HPCAL1: variants seen among roughly 807,000 people sequenced by gnomAD.
HPCAL1 encodes the protein hippocalcin-like protein 1.
HPCAL1 carries 8 observed loss-of-function variants against 17.1 expected under a neutral mutation model. The observed-to-expected ratio is 0.47, with a 90% CI of 0.27 to 0.84. HPCAL1 has a LOEUF of 0.84. HPCAL1 is among the 40% of genes least tolerant of loss of function. The pLI, the probability that HPCAL1 is intolerant of heterozygous loss-of-function variation, is 0.13. For missense variants in HPCAL1, 165 were observed against 271.1 expected, an observed-to-expected ratio of 0.61 and a Z score of 2.75; for synonymous variants, 112 against 111.4, an observed-to-expected ratio of 1.01 and a Z score of -0.03.
chr2:10,321,261 G>A (rs1047840412), intron 1 of HPCAL1, among the ~76,000 whole-genome samples: 6 of 152,098 alleles, frequency 3.9e-5, no homozygotes, highest in African/African-American at 9.7e-5. Context: ...TCACTATCTC[G>A]AGGACAGAAC....
chr2:10,359,740 C>T lies in HPCAL1; in HGVS notation c.-110-37095C>T, dbSNP rs1033389297. On this transcript the variant is annotated intron_variant, in intron 1 of 4. Transcript: ENST00000307845. This position sits in a 1 kb window ranked among gnomAD's most constrained non-coding sequence, Gnocchi z 4.1. Reference sequence around the variant, plus strand: ...GCAAGGCCAGGCCAGCACCTCTCCACTCTGAGGAAGGGGCCTTACCCAGAT... The same window carrying T: ...GCAAGGCCAGGCCAGCACCTCTCCATTCTGAGGAAGGGGCCTTACCCAGAT... 6.6e-6 allele frequency among the ~76,000 whole-genome samples: 1 copy of T among 152,248 alleles called. No individual in the cohort carries two copies. The highest frequency in any genetic ancestry group is 1.5e-5 in the Non-Finnish European group (1 of 68,040).
intron 1 of HPCAL1, among the ~76,000 whole-genome samples, chr2:10,382,252 A>G (rs985235653): frequency 6.6e-6 from 1 of 152,192 alleles, no homozygotes; most frequent in Non-Finnish European, 1.5e-5. Context: ...GGAGATAATA[A>G]ACAGATCAGT....
chr2:10,355,856 G>A (rs1666124631), intron 1 of HPCAL1, among the ~76,000 whole-genome samples: 1 of 152,028 alleles, frequency 6.6e-6, no homozygotes, highest in Non-Finnish European at 1.5e-5. Flanking sequence ...GCATGGCTAT[G>A]AGGGTCTCAG....
At chr2:10,333,185 G>GAGAAA (rs1033653572) in intron 1 of HPCAL1, among the ~76,000 whole-genome samples, 10 of 152,190 alleles carry the variant, frequency 6.6e-5, no homozygotes, top group African/African-American at 2.2e-4. Context: ...TCTTTTTAAA[G>GAGAAA]TTTACTAATT....
In HPCAL1 at chr2:10,420,151, GC is replaced by G; in HGVS notation, c.378+20del. 1 of 1,591,342 alleles carries G rather than the reference GC, an allele frequency of 6.3e-7. No individual in the cohort carries two copies. Among genetic ancestry groups the G allele is most frequent in the Non-Finnish European group, 8.6e-7 (1 of 1,166,204 alleles). On this transcript the variant is annotated intron_variant, in intron 3 of 4. Transcript: ENST00000307845. ...GATCGTGCAGGTACCGGCGCCCGAGGCCCCGGGTCTCACCGCGGGCCCAGGT... is the reference window on the plus strand; with the variant it reads ...GATCGTGCAGGTACCGGCGCCCGAGGCCCGGGTCTCACCGCGGGCCCAGGT...
intron 4 of HPCAL1, 111 bp from the exon 5 acceptor site, chr2:10,426,613 C>G (rs1290484960): frequency 1.2e-6 from 1 of 831,866 alleles, no homozygotes; most frequent in Non-Finnish European, 2.1e-6. Context: ...CAAGAAGGCT[C>G]AGGACTTTCA....
In HPCAL1 at chr2:10,419,985, C is replaced by A. The variant is rs143115310; in HGVS notation, c.228C>A (p.Gly76=). 6.2e-7 allele frequency: 1 copy of A among 1,613,878 alleles called. No homozygotes were observed. The highest frequency in any genetic ancestry group is 8.5e-7 in the Non-Finnish European group (1 of 1,180,040). ...EHVFRTFDTN[G]DGTIDFREFI... ...TCTTCCGCACCTTCGACACCAACGG[C>A]GACGGCACCATCGACTTCCGGGAGT... Residue 76 remains glycine, a synonymous_variant, in exon 3 of 5, where the codon GGC becomes GGA. Transcript: ENST00000307845. This position sits in a 1 kb window ranked among gnomAD's most constrained non-coding sequence, Gnocchi z 5.0.
At chr2:10,379,102 C>T (rs903484737) in intron 1 of HPCAL1, among the ~76,000 whole-genome samples, 3 of 152,080 alleles carry the variant, frequency 2.0e-5, no homozygotes, top group Non-Finnish European at 4.4e-5. Context: ...CCAAGACGGG[C>T]AGATCACTTG....
chr2:10,396,744 C>G (rs1342794919), intron 1 of HPCAL1, 91 bp from the exon 2 acceptor site: 1 of 152,322 alleles, frequency 6.6e-6, no homozygotes, highest in Non-Finnish European at 1.5e-5. Flanking sequence ...TGTGATCCCC[C>G]AGCAGGCACC....
intron 1 of HPCAL1, among the ~76,000 whole-genome samples, chr2:10,338,755 A>G (rs1015205359): frequency 3.3e-5 from 5 of 152,192 alleles, no homozygotes; most frequent in African/African-American, 1.2e-4. Flanking sequence ...TAGAGCTTTG[A>G]GGCGTATCCA....
chr2:10,347,628 TG>T (rs1317896391), intron 1 of HPCAL1, among the ~76,000 whole-genome samples: 2 of 152,206 alleles, frequency 1.3e-5, no homozygotes, highest in African/African-American at 4.8e-5. Flanking sequence ...TCTGGCTGTC[TG>T]GGCCTTTCTG....
Position 10,362,592 on chromosome 2 carries a change from C to G in HPCAL1, c.-110-34243C>G, listed in dbSNP as rs1461330820. On this transcript the variant is annotated intron_variant, in intron 1 of 4. Transcript: ENST00000307845. The surrounding 1 kb of genome is among the most constrained non-coding windows in gnomAD (Gnocchi z 5.0). Reference sequence around the variant, plus strand: ...GGTGTTCTGTTGTAATGTTCTGCCACTTGGCAGCCTCACCAGGGACATATC... The same window carrying G: ...GGTGTTCTGTTGTAATGTTCTGCCAGTTGGCAGCCTCACCAGGGACATATC... Among the ~76,000 whole-genome samples the G allele has an allele frequency of 6.6e-6, 1 of 152,216 alleles. No homozygotes were observed. The highest frequency in any genetic ancestry group is 1.5e-5 in the Non-Finnish European group (1 of 68,034).
At chr2:10,312,202 GTCA>G (rs745965083) in intron 1 of HPCAL1, among the ~76,000 whole-genome samples, 10 of 23,786 alleles carry the variant, frequency 4.2e-4, no homozygotes, top group African/African-American at 8.4e-4. Context: ...CATCATCACT[GTCA>G]TCATCAACAT....
chr2:10,309,150 A>T (rs1236129052), intron 1 of HPCAL1, among the ~76,000 whole-genome samples: 1 of 151,992 alleles, frequency 6.6e-6, no homozygotes, highest in East Asian at 1.9e-4. Flanking sequence ...TCCCCCTGCC[A>T]TAGTCTCCTG....
At chr2:10,329,302 A>G (rs911375537) in intron 1 of HPCAL1, among the ~76,000 whole-genome samples, 1 of 152,170 alleles carries the variant, frequency 6.6e-6, no homozygotes, top group African/African-American at 2.4e-5. Context: ...TTGCTATGTG[A>G]TGAAGATTGA....
chr2:10,343,980 G>A lies in HPCAL1; in HGVS notation c.-111+40803G>A, dbSNP rs1349651271. Among the ~76,000 whole-genome samples, 1 of 152,204 alleles carries A rather than the reference G, an allele frequency of 6.6e-6. No individual in the cohort carries two copies. The highest frequency in any genetic ancestry group is 1.9e-4 in the East Asian group (1 of 5,188). On this transcript the variant is annotated intron_variant, in intron 1 of 4. Coordinates refer to ENST00000307845, the MANE Select transcript of HPCAL1 (RefSeq NM_002149.4). This position sits in a 1 kb window ranked among gnomAD's most constrained non-coding sequence, Gnocchi z 4.8. ...ATAGAGAACGCTGGCTTCAGACCCG[G>A]CAGGAGTACCGGCGGCTGTGTGGTG...
chr2:10,350,956 C>T (rs1051027029), intron 1 of HPCAL1, among the ~76,000 whole-genome samples: 4 of 152,168 alleles, frequency 2.6e-5, no homozygotes, highest in Non-Finnish European at 2.9e-5. Context: ...GTGGAACCCT[C>T]ATACGCTGTT....
rs150068597 is a variant in HPCAL1, at chr2:10,331,087, G to A, written c.-111+27910G>A. On this transcript the variant is annotated intron_variant, in intron 1 of 4. Transcript: ENST00000307845. This position sits in a 1 kb window ranked among gnomAD's most constrained non-coding sequence, Gnocchi z 5.0. The stretch of plus-strand genomic sequence containing the variant: ...CTCGTGGCCTCCCATCTGCTCTCCC[G>A]GCTGCAGGAGCGGTTTCTCTAAGCC... Among the ~76,000 whole-genome samples, 28 of 152,082 alleles carry A rather than the reference G, an allele frequency of 1.8e-4. No individual in the cohort carries two copies. The highest frequency in any genetic ancestry group is 5.5e-4 in the African/African-American group (23 of 41,458).
At chr2:10,355,407 C>T (rs1027071691) in intron 1 of HPCAL1, among the ~76,000 whole-genome samples, 30 of 142,022 alleles carry the variant, frequency 2.1e-4, no homozygotes, top group African/African-American at 6.4e-4. Context: ...GCCGAGATCC[C>T]GCCACTGCAC....
Sources: gnomAD v4.1 joint callset for allele counts (sites outside exome capture counted in the v4.1 genomes callset) on GRCh38, gnomAD v4.1.1 for gene constraint, Gnocchi (gnomAD v3.1) non-coding constraint, MANE v1.5 for transcripts, NCBI Gene and HGNC (gene_info 2026-07-23, HGNC 2026-07-21) for gene names.